The following GFRA2 variants were observed in gnomAD, a reference collection of about 807,000 sequenced individuals.
GFRA2 encodes GDNF family receptor alpha-2.
A neutral mutation model predicts 48.3 loss-of-function variants in GFRA2; 17 were observed. That is an observed-to-expected ratio of 0.35 (90% CI 0.24 to 0.53). The LOEUF (loss-of-function observed/expected upper bound fraction) is 0.53. Ranked by LOEUF, GFRA2 falls within the 20% of genes least tolerant of loss-of-function variation. The pLI, the probability that GFRA2 is intolerant of heterozygous loss-of-function variation, is 0.93. For missense variants in GFRA2, 660 were observed against 637.3 expected (o/e 1.04, Z -0.38); for synonymous variants, 305 against 257.2 (o/e 1.19, Z -1.78).
intron 4 of GFRA2, among the ~76,000 whole-genome samples, chr8:21,712,492 G>A (rs1480409281): frequency 4.0e-5 from 6 of 151,394 alleles, no homozygotes; most frequent in Admixed American, 1.3e-4. Context: ...ATGGGATGGC[G>A]GGCGGGCAGA....
chr8:21,705,505 C>A (rs1001120534), intron 5 of GFRA2, among the ~76,000 whole-genome samples: 2 of 152,098 alleles, frequency 1.3e-5, no homozygotes, highest in African/African-American at 4.8e-5. Flanking sequence ...TATTTATGAG[C>A]GAGGTGAGAC....
chr8:21,775,359 G>T (rs898494238), intron 2 of GFRA2, among the ~76,000 whole-genome samples: 43 of 152,230 alleles, frequency 2.8e-4, no homozygotes, highest in African/African-American at 1.0e-3. Flanking sequence ...CCCTTGGAAG[G>T]ACTTGCAGGT....
intron 1 of GFRA2, chr8:21,784,371 C>T (rs926552108): frequency 2.2e-6 from 1 of 456,070 alleles, no homozygotes. Context: ...GAGGCTTCCT[C>T]GACTCCATCT....
rs893206187 is a variant in GFRA2 at position 21,692,055 on chromosome 8, T to G, written c.*1223A>C. ...ACGTTTATTGGAGCCTTGGTTAAGC[T>G]TGGATGCGGATCAGGAGCCCCCACC... On this transcript the variant is annotated 3_prime_UTR_variant, in exon 9 of 9. Coordinates refer to ENST00000524240, the MANE Select transcript of GFRA2 (RefSeq NM_001495.5). 1 of 152,592 alleles carries G rather than the reference T, an allele frequency of 6.6e-6. No homozygotes were observed. The highest frequency in any genetic ancestry group is 6.5e-5 in the Admixed American group (1 of 15,282). The allele number at this position is 152,592 out of a possible 1,614,324, so 9.5% of individuals were successfully genotyped here. A position where few individuals can be genotyped will look rare whatever the true frequency, so the allele number is the denominator to read the frequency against.
At chr8:21,759,888 CAAA>C (rs35385607) in intron 3 of GFRA2, among the ~76,000 whole-genome samples, 8 of 105,114 alleles carry the variant, frequency 7.6e-5, no homozygotes, top group South Asian at 3.6e-4. Context: ...GATTGCGTCT[CAAA>C]AAAAAAAAAA....
At chr8:21,808,794 G>A (rs543718974) in intron 1 of GFRA2, among the ~76,000 whole-genome samples, 3 of 152,352 alleles carry the variant, frequency 2.0e-5, no homozygotes, top group East Asian at 1.9e-4. Context: ...CCCGAGCTGC[G>A]TTTCAGTGAA....
upstream of GFRA2, among the ~76,000 whole-genome samples, chr8:21,790,498 C>T (rs1028856686): frequency 6.6e-6 from 1 of 152,226 alleles, no homozygotes; most frequent in Non-Finnish European, 1.5e-5. Context: ...ATTGGGAAAG[C>T]TAGAGGGAGC....
chr8:21,788,785 CGT>C lies in GFRA2; in HGVS notation c.-628_-627del. 3 of 985,450 alleles carry C rather than the reference CGT, an allele frequency of 3.0e-6. No homozygotes were observed. Among genetic ancestry groups the C allele is most frequent in the Non-Finnish European group, 3.6e-6 (3 of 829,952 alleles). 61.0% of individuals were successfully genotyped at this position (985,450 alleles called of 1,614,324 possible). On this transcript the variant is annotated 5_prime_UTR_variant, in exon 1 of 9. Transcript: ENST00000524240. ...TTTTTTCTAATGGAATTCCAGTGAC[CGT>C]GTGTCTCTGCGTGCGTGTGTCTTTC... is the stretch of plus-strand genomic sequence containing the variant.
At chr8:21,795,908 C>T (rs1807666356) in intron 2 of GFRA2, among the ~76,000 whole-genome samples, 2 of 152,190 alleles carry the variant, frequency 1.3e-5, no homozygotes, top group Admixed American at 6.5e-5. Context: ...GGAAAAAGCA[C>T]TCAAGTCATC....
At chr8:21,757,438 G>A (rs185289844) in intron 3 of GFRA2, among the ~76,000 whole-genome samples, 2 of 151,612 alleles carry the variant, frequency 1.3e-5, no homozygotes, top group African/African-American at 2.4e-5. Flanking sequence ...TCCCTATCTC[G>A]TTTTGGTCAT....
Position 21,750,549 on chromosome 8 carries a change from C to A in GFRA2, c.794+39G>T. On this transcript the variant is annotated intron_variant, in intron 4 of 8. Transcript: ENST00000524240. The surrounding 1 kb of genome is among the most constrained non-coding windows in gnomAD (Gnocchi z 5.7). ...AAAACACAGCCTGGCAATGCAAGCG[C>A]CCTCCTGCCAGCACCACCGGGGCTG... The A allele has an allele frequency of 8.2e-7, 1 of 1,219,772 alleles. No individual in the cohort carries two copies. The highest frequency in any genetic ancestry group is 2.1e-5 in the Admixed American group (1 of 47,936). The allele number at this position is 1,219,772 out of a possible 1,614,324, so 75.6% of individuals were successfully genotyped here.
chr8:21,720,995 G>GA (rs1239074296), intron 4 of GFRA2, among the ~76,000 whole-genome samples: 57 of 76,106 alleles, frequency 7.5e-4, no homozygotes, highest in Admixed American at 3.5e-3. Flanking sequence ...GAATTAGTAA[G>GA]AAAAAAAAAA....
chr8:21,701,110 T>C (rs1470802121), intron 7 of GFRA2, among the ~76,000 whole-genome samples: 1 of 152,210 alleles, frequency 6.6e-6, no homozygotes, highest in Non-Finnish European at 1.5e-5. Context: ...ATTAAAAACA[T>C]TGTGCCGGGC....
upstream of GFRA2, among the ~76,000 whole-genome samples, chr8:21,789,571 G>A (rs1807477196): frequency 6.6e-6 from 1 of 152,158 alleles, no homozygotes; most frequent in Non-Finnish European, 1.5e-5. Context: ...TCTCCCCGAT[G>A]GTGCCAGGGA....
At chr8:21,787,902 C>A (rs1052964589) in intron 1 of GFRA2, among the ~76,000 whole-genome samples, 3 of 152,072 alleles carry the variant, frequency 2.0e-5, no homozygotes. Context: ...GTTGAGTCTC[C>A]CTCCCGATCC....
intron 4 of GFRA2, among the ~76,000 whole-genome samples, chr8:21,717,024 C>T (rs1426039231): frequency 6.6e-6 from 1 of 152,242 alleles, no homozygotes; most frequent in East Asian, 1.9e-4. Flanking sequence ...TGCTATTTTT[C>T]CAGCCAGGTC....
chr8:21,693,042 G>GT lies in GFRA2; in HGVS notation c.*235dup, dbSNP rs202169431. On this transcript the variant is annotated 3_prime_UTR_variant, in exon 9 of 9. Transcript: ENST00000524240. ...GCCTCGTGCCCTCCCCGGCACCAGAGTTTCCCCTGCCAGGGGACCCCTGGG... is the reference window on the plus strand; with the variant it reads ...GCCTCGTGCCCTCCCCGGCACCAGAGTTTTCCCCTGCCAGGGGACCCCTGGG... 5.4e-6 allele frequency: 2 copies of GT among 367,786 alleles called. No individual in the cohort carries two copies. Among genetic ancestry groups the GT allele is most frequent in the Admixed American group, 9.2e-5 (2 of 21,742 alleles). 22.8% of individuals were successfully genotyped at this position (367,786 alleles called of 1,614,324 possible). A position where few individuals can be genotyped will look rare whatever the true frequency, so the allele number is the denominator to read the frequency against.
rs374425901 is a variant in GFRA2 at position 21,800,689 on chromosome 8, C to T, written c.-36+4328G>A. ...CCTGTAATCCCAGTATTTTGGGAGG[C>T]CAAGGCAGGAGGATGGCTTGAGCCC... On this transcript the variant is annotated intron_variant, in intron 2 of 10. Coordinates refer to the GFRA2 transcript ENST00000517328. Among the ~76,000 whole-genome samples the T allele has an allele frequency of 2.0e-4, 31 of 152,290 alleles. No homozygotes were observed. In the South Asian group the frequency reaches 6.0e-3, roughly 30 times the overall value.
intron 3 of GFRA2, chr8:21,769,241 A>AGCCCCGCCCCT (rs1563258492): frequency 2.2e-6 from 2 of 916,234 alleles, no homozygotes; most frequent in Non-Finnish European, 2.6e-6. Context: ...GTCTGGCCCC[A>AGCCCCGCCCCT]GCCCCGCCCC....
Sources: allele counts gnomAD v4.1 joint callset (sites outside exome capture counted in the v4.1 genomes callset), GRCh38; gene constraint gnomAD v4.1.1; non-coding constraint Gnocchi (gnomAD v3.1); transcripts MANE v1.5; gene names NCBI Gene and HGNC (gene_info 2026-07-23, HGNC 2026-07-21).